RAB7A: variants seen among roughly 807,000 people sequenced by gnomAD.
The protein encoded by RAB7A is ras-related protein Rab-7a.
In RAB7A, 2 loss-of-function variants were observed where a neutral mutation model predicts 24.5. That is an observed-to-expected ratio of 0.08 (90% CI 0.03 to 0.26). The LOEUF is 0.26. Ranked by LOEUF, RAB7A falls within the 10% of genes least tolerant of loss-of-function variation. The probability of loss-of-function intolerance (pLI) is 1.00; values close to 1 mark genes in which losing one functional copy is unlikely to be tolerated. For synonymous variants in RAB7A, 100 were observed against 95.9 expected (o/e 1.04, Z -0.25); for missense variants, 118 against 255.7 (o/e 0.46, Z 3.67).
At chr3:128,766,713 T>C (rs1464321387) in intron 1 of RAB7A, among the ~76,000 whole-genome samples, 1 of 152,168 alleles carries the variant, frequency 6.6e-6, no homozygotes, top group Admixed American at 6.5e-5. Flanking sequence ...TTTTTTTCTT[T>C]ATTTTTTATA....
At chr3:128,806,337 A>G in intron 3 of RAB7A, 35 bp from the exon 4 acceptor site, 1 of 1,577,516 alleles carries the variant, frequency 6.3e-7, no homozygotes, top group Non-Finnish European at 8.7e-7. Flanking sequence ...TCTGCCTAGC[A>G]TTCTCCCAAG....
rs546758928 is a variant in RAB7A at position 128,797,922 on chromosome 3, A to G, written c.54-21A>G. 4.3e-6 allele frequency: 7 copies of G among 1,612,256 alleles called. No individual in the cohort carries two copies. The South Asian group carries it at 6.6e-5, about 15-fold the overall frequency. On this transcript the variant is annotated intron_variant, in intron 2 of 5. Transcript: ENST00000265062. ...GGACCCTCCTATTTGACTTATACTT[A>G]TGGTTTTTCTCCAATTTCAGAGTCG... is the stretch of plus-strand genomic sequence containing the variant.
intron 1 of RAB7A, among the ~76,000 whole-genome samples, chr3:128,777,725 T>C (rs114733470): frequency 8.5e-5 from 13 of 152,320 alleles, no homozygotes; most frequent in African/African-American, 2.9e-4. Context: ...TCAATCATTG[T>C]GATCAATTTC....
At chr3:128,766,148 C>T (rs1339580923) in intron 1 of RAB7A, among the ~76,000 whole-genome samples, 1 of 152,150 alleles carries the variant, frequency 6.6e-6, no homozygotes, top group African/African-American at 2.4e-5. Flanking sequence ...ACCAGAGCAG[C>T]CCCTCTACTT....
chr3:128,769,892 AG>A (rs1385162833), intron 1 of RAB7A, among the ~76,000 whole-genome samples: 1 of 152,218 alleles, frequency 6.6e-6, no homozygotes, highest in African/African-American at 2.4e-5. Flanking sequence ...TAAGGATTAA[AG>A]CAGAGGGTAG....
intron 1 of RAB7A, among the ~76,000 whole-genome samples, chr3:128,757,664 C>T (rs995611595): frequency 6.6e-6 from 1 of 151,784 alleles, no homozygotes; most frequent in Non-Finnish European, 1.5e-5. Context: ...ACTACAGGTG[C>T]CCACCACCAC....
chr3:128,784,264 G>A (rs1298786295), intron 1 of RAB7A, among the ~76,000 whole-genome samples: 3 of 152,134 alleles, frequency 2.0e-5, no homozygotes, highest in Non-Finnish European at 2.9e-5. Context: ...AGACTTCCCT[G>A]ATCTAAGAAA....
At chr3:128,806,343 C>T in intron 3 of RAB7A, 29 bp from the exon 4 acceptor site, 1 of 1,584,960 alleles carries the variant, frequency 6.3e-7, no homozygotes, top group Non-Finnish European at 8.7e-7. Context: ...TAGCATTCTC[C>T]CAAGGAATGA....
In RAB7A at chr3:128,753,907, T is replaced by A. The variant is rs188053060; in HGVS notation, c.-9+27548T>A. On this transcript the variant is annotated intron_variant, in intron 1 of 5. Coordinates refer to ENST00000265062, the MANE Select transcript of RAB7A (RefSeq NM_004637.6). ...TTCTGCTTGGGCCTCAAAAGTGCTGTGGTTACAGGTGTGAGCCACACCTCT... is the reference window on the plus strand; with the variant it reads ...TTCTGCTTGGGCCTCAAAAGTGCTGAGGTTACAGGTGTGAGCCACACCTCT... 1.1e-3 allele frequency among the ~76,000 whole-genome samples: 172 copies of A among 152,104 alleles called. 1 individual carries two copies. In the Middle Eastern group the frequency reaches 0.017, roughly 15 times the overall value.
intron 1 of RAB7A, among the ~76,000 whole-genome samples, chr3:128,790,002 G>A (rs1933422344): frequency 6.6e-6 from 1 of 151,964 alleles, no homozygotes; most frequent in Non-Finnish European, 1.5e-5. Flanking sequence ...ATGTTGGCCA[G>A]GATGGATTTG....
At chr3:128,726,623 C>T (rs1003660686) in intron 1 of RAB7A, among the ~76,000 whole-genome samples, 6 of 152,184 alleles carry the variant, frequency 3.9e-5, no homozygotes, top group Non-Finnish European at 8.8e-5. Context: ...TACTGTTGGC[C>T]TGGATCTCAG....
At chr3:128,739,685 G>T (rs1490156724) in intron 1 of RAB7A, among the ~76,000 whole-genome samples, 1 of 152,088 alleles carries the variant, frequency 6.6e-6, no homozygotes, top group African/African-American at 2.4e-5. Flanking sequence ...TTTCTTATAA[G>T]TACATACTAT....
chr3:128,779,481 C>T (rs1041803571), intron 1 of RAB7A, among the ~76,000 whole-genome samples: 18 of 150,212 alleles, frequency 1.2e-4, no homozygotes, highest in African/African-American at 4.2e-4. Context: ...CTGGCCTCAC[C>T]ATTTCTAAAT....
chr3:128,730,502 A>G (rs1270412771), intron 1 of RAB7A, among the ~76,000 whole-genome samples: 1 of 152,222 alleles, frequency 6.6e-6, no homozygotes, highest in Admixed American at 6.5e-5. Context: ...TGCTGGAATT[A>G]CAGGCGTGAG....
intron 1 of RAB7A, among the ~76,000 whole-genome samples, chr3:128,786,851 A>C (rs145493900): frequency 6.6e-6 from 1 of 152,244 alleles, no homozygotes; most frequent in African/African-American, 2.4e-5. Flanking sequence ...GGTTCATCTC[A>C]TCATAATTGA....
intron 1 of RAB7A, among the ~76,000 whole-genome samples, chr3:128,747,609 A>AGAAAT (rs1175202762): frequency 5.3e-5 from 8 of 151,604 alleles, no homozygotes; most frequent in Non-Finnish European, 7.4e-5. Flanking sequence ...AATGAAATAA[A>AGAAAT]GAAATGAAAT....
chr3:128,791,861 C>T (rs1350875062), intron 1 of RAB7A, among the ~76,000 whole-genome samples: 2 of 152,176 alleles, frequency 1.3e-5, no homozygotes, highest in East Asian at 3.9e-4. Flanking sequence ...AGAACTGCTG[C>T]TGCTGATGAC....
chr3:128,801,321 C>T (rs1218653006), intron 3 of RAB7A, among the ~76,000 whole-genome samples: 2 of 152,076 alleles, frequency 1.3e-5, no homozygotes, highest in Non-Finnish European at 2.9e-5. Context: ...TTCATCTCTA[C>T]AAAAAAATTT....
intron 1 of RAB7A, among the ~76,000 whole-genome samples, chr3:128,792,817 TTTTATTTA>T (rs71618167): frequency 0.017 from 2,323 of 137,478 alleles, 30 homozygotes; most frequent in Middle Eastern, 0.04. Flanking sequence ...CCGAGCTAAT[TTTTATTTA>T]TTTATTTATT....
Sources: allele counts gnomAD v4.1 joint callset (sites outside exome capture counted in the v4.1 genomes callset), GRCh38; gene constraint gnomAD v4.1.1; transcripts MANE v1.5; gene names NCBI Gene and HGNC (gene_info 2026-07-23, HGNC 2026-07-21).